The following IFT74 variants were observed in gnomAD, a reference collection of about 807,000 sequenced individuals.
IFT74 encodes the protein intraflagellar transport protein 74 homolog.
Under a neutral mutation model 96.7 loss-of-function variants are expected in IFT74, and 92 were observed. The observed-to-expected ratio is 0.95, with a 90% CI of 0.80 to 1.13. The LOEUF (loss-of-function observed/expected upper bound fraction) is 1.13. Among genes scored for constraint, IFT74 ranks in the 50% most tolerant of loss-of-function variants. IFT74 has a pLI of 0.00. For missense variants in IFT74, 811 were observed against 698.2 expected (o/e 1.16, Z -1.82); for synonymous variants, 223 against 213.2 (o/e 1.05, Z -0.40).
At chr9:26,956,709 G>A (rs1681780280) in intron 1 of IFT74, among the ~76,000 whole-genome samples, 193 bp downstream of exon 1, 1 of 151,642 alleles carries the variant, frequency 6.6e-6, no homozygotes, top group East Asian at 1.9e-4. Context: ...TCCTCCAACA[G>A]CCCGACCCCT....
At chr9:27,030,998 T>A (rs1487448079) in intron 13 of IFT74, among the ~76,000 whole-genome samples, 1 of 152,186 alleles carries the variant, frequency 6.6e-6, no homozygotes, top group Admixed American at 6.5e-5. Context: ...TTTTTGTTTT[T>A]AAATGGAGAT....
chr9:27,050,039 G>A (rs1016068234), intron 16 of IFT74, among the ~76,000 whole-genome samples: 1 of 151,642 alleles, frequency 6.6e-6, no homozygotes, highest in African/African-American at 2.4e-5. Flanking sequence ...TTTCAATTAG[G>A]ACTAGCCTTA....
intron 1 of IFT74, among the ~76,000 whole-genome samples, chr9:26,961,145 C>T (rs528236824): frequency 1.3e-4 from 18 of 143,848 alleles, no homozygotes; most frequent in East Asian, 4.1e-4. Context: ...GGCTGGAGTG[C>T]AGTAGCGCAA....
At chr9:26,987,770 A>G (rs1827699324) in intron 6 of IFT74, among the ~76,000 whole-genome samples, 1 of 152,224 alleles carries the variant, frequency 6.6e-6, no homozygotes, top group Admixed American at 6.5e-5. Context: ...GTTAACACAT[A>G]TGTAATAGTG....
At chr9:26,947,935 T>A (rs1371572175) in intron 1 of IFT74, among the ~76,000 whole-genome samples, 1 of 152,212 alleles carries the variant, frequency 6.6e-6, no homozygotes, top group East Asian at 1.9e-4. Flanking sequence ...TGCTACTTGC[T>A]AGTCATTATC....
chr9:27,030,177 A>G (rs985546118), intron 13 of IFT74, among the ~76,000 whole-genome samples: 4 of 152,160 alleles, frequency 2.6e-5, no homozygotes, highest in African/African-American at 9.7e-5. Context: ...ATGCTCTTGG[A>G]TTATCAAGAA....
chr9:27,056,102 G>A (rs1820146409), intron 17 of IFT74, among the ~76,000 whole-genome samples: 1 of 152,020 alleles, frequency 6.6e-6, no homozygotes, highest in Non-Finnish European at 1.5e-5. Context: ...CATTAATTTA[G>A]ACTTAATTTG....
At position 26,956,807 on chromosome 9, in the gene IFT74, T is replaced by C. The variant is rs79965368; in HGVS notation, c.-20+291T>C. 3.0e-3 allele frequency among the ~76,000 whole-genome samples: 462 copies of C among 152,348 alleles called. 6 individuals are homozygous for C. The highest frequency in any genetic ancestry group is 0.028 in the East Asian group (144 of 5,184). ...AGGATTTTAGTCAAAGCAATACATT[T>C]CTGCCTCTTACAGTGGAAGGGACTT... On this transcript the variant is annotated intron_variant, in intron 1 of 19. Transcript: ENST00000380062.
Position 27,055,778 on chromosome 9 carries a change from T to C in IFT74, c.1497+6T>C. On this transcript the variant is annotated splice_donor_region_variant and intron_variant, in intron 17 of 19. Coordinates refer to ENST00000380062, the MANE Select transcript of IFT74 (RefSeq NM_025103.4). ...CAGGTGAAGAAAAGATAAAGGTAAA[T>C]GTTAACCAAGTCTTACAGAATTACA... is the stretch of plus-strand genomic sequence containing the variant. 1 of 1,497,092 alleles carries C rather than the reference T, an allele frequency of 6.7e-7. No individual in the cohort carries two copies. The highest frequency in any genetic ancestry group is 8.9e-7 in the Non-Finnish European group (1 of 1,123,136). 92.7% of individuals were successfully genotyped at this position (1,497,092 alleles called of 1,614,324 possible). A position where few individuals can be genotyped will look rare whatever the true frequency, so the allele number is the denominator to read the frequency against.
chr9:26,984,272 A>G lies in IFT74; in HGVS notation c.321A>G (p.Glu107=). Residue 107 remains glutamate (E), a synonymous_variant, in exon 5 of 20, where the codon GAA becomes GAG. Transcript: ENST00000380062. ...TTTCTAATAGAAGTAAAATAAGTGA[A>G]CTTACAACTGAAGTTAATAAACTTC... The part of the protein sequence containing the change: ...YLGLLRSKIS[E]LTTEVNKLQK... 6.4e-7 allele frequency: 1 copy of G among 1,567,004 alleles called. No homozygotes were observed. The highest frequency in any genetic ancestry group is 1.2e-5 in the South Asian group (1 of 84,160).
chr9:27,012,544 A>T (rs898913218), intron 10 of IFT74, among the ~76,000 whole-genome samples: 3 of 152,042 alleles, frequency 2.0e-5, no homozygotes, highest in African/African-American at 7.2e-5. Flanking sequence ...AGACACATAC[A>T]CAAGAGATTA....
rs1167151457 is a variant in IFT74 at position 27,020,734 on chromosome 9, A to G, written c.974+2047A>G. 2.0e-5 allele frequency among the ~76,000 whole-genome samples: 3 copies of G among 152,158 alleles called. No homozygotes were observed. In the East Asian group the frequency reaches 5.8e-4, roughly 29 times the overall value. On this transcript the variant is annotated intron_variant, in intron 12 of 19. Transcript: ENST00000380062. ...CGTGATCTGCCCGCCTCGGCCTCCCAAAGTGCTGGGTTTACAGGCGTGACC... is the reference window on the plus strand; with the variant it reads ...CGTGATCTGCCCGCCTCGGCCTCCCGAAGTGCTGGGTTTACAGGCGTGACC...
chr9:26,999,767 A>ATTATTTTTTT, intron 8 of IFT74: 1 of 457,786 alleles, frequency 2.2e-6, no homozygotes, highest in Non-Finnish European at 3.3e-6. Flanking sequence ...GAATCTGTTT[A>ATTATTTTTTT]TTCTTTTTTT....
intron 11 of IFT74, among the ~76,000 whole-genome samples, chr9:27,018,433 C>T (rs954070254): frequency 2.0e-5 from 3 of 152,134 alleles, no homozygotes; most frequent in Non-Finnish European, 4.4e-5. Flanking sequence ...ATATCAGTTA[C>T]TACCCTTACT....
intron 2 of IFT74, among the ~76,000 whole-genome samples, chr9:26,970,547 C>T (rs1485526166): frequency 1.3e-5 from 2 of 152,080 alleles, no homozygotes; most frequent in Non-Finnish European, 2.9e-5. Context: ...TATACTTTGA[C>T]CTGGTGAATG....
Position 27,047,373 on chromosome 9 carries a change from T to C in IFT74, c.1206+2T>C. The C allele has an allele frequency of 6.3e-7, 1 of 1,582,180 alleles. No homozygotes were observed. On this transcript the variant is annotated splice_donor_variant, in intron 15 of 19. Transcript: ENST00000380062. LOFTEE classifies it high-confidence loss of function. ...GCACTCTTGGAGCACTGCAGTCGAG[T>C]GAGTACCATGTGCCTGTCTTGGTGT...
chr9:27,050,709 G>A (rs1258849466), intron 16 of IFT74, among the ~76,000 whole-genome samples: 1 of 142,610 alleles, frequency 7.0e-6, no homozygotes, highest in Non-Finnish European at 1.5e-5. Context: ...CACAGGAAGG[G>A]GGACATCACA....
At chr9:26,998,980 C>T (rs1353049648) in intron 8 of IFT74, among the ~76,000 whole-genome samples, 18 of 152,132 alleles carry the variant, frequency 1.2e-4, no homozygotes, top group African/African-American at 3.1e-4. Flanking sequence ...GGCGACAGAG[C>T]GAGATTCCGT....
chr9:27,023,789 C>G (rs1829724518), intron 12 of IFT74, among the ~76,000 whole-genome samples: 1 of 152,164 alleles, frequency 6.6e-6, no homozygotes, highest in Non-Finnish European at 1.5e-5. Flanking sequence ...GAAACCACCC[C>G]TTCCATCACC....
Sources: gnomAD v4.1 joint callset for allele counts (sites outside exome capture counted in the v4.1 genomes callset) on GRCh38, gnomAD v4.1.1 for gene constraint, MANE v1.5 for transcripts, NCBI Gene and HGNC (gene_info 2026-07-23, HGNC 2026-07-21) for gene names.